The following CPXM2 variants were observed in gnomAD, a reference collection of about 807,000 sequenced individuals.
The protein encoded by CPXM2 is inactive carboxypeptidase-like protein X2.
CPXM2 carries 66 observed loss-of-function variants against 86.1 expected under a neutral mutation model. That is an observed-to-expected ratio of 0.77 (90% CI 0.63 to 0.94). CPXM2 has a LOEUF of 0.94. Ranked by LOEUF, CPXM2 falls within the 40% of genes least tolerant of loss-of-function variation. The pLI is 0.00. For synonymous variants in CPXM2, 388 were observed against 400.2 expected, an observed-to-expected ratio of 0.97 and a Z score of 0.36; for missense variants, 948 against 1,026.3, an observed-to-expected ratio of 0.92 and a Z score of 1.04.
At chr10:123,882,710 C>T (rs969936347) in intron 1 of CPXM2, among the ~76,000 whole-genome samples, 4 of 152,106 alleles carry the variant, frequency 2.6e-5, no homozygotes, top group Admixed American at 1.3e-4. Flanking sequence ...GCCAGGCGGT[C>T]CCCCAGCACT....
intron 2 of CPXM2, among the ~76,000 whole-genome samples, chr10:123,868,766 C>G (rs1203097898): frequency 2.0e-5 from 3 of 152,024 alleles, no homozygotes; most frequent in Non-Finnish European, 2.9e-5. Flanking sequence ...AACATAGACA[C>G]AAAGGCAAGC....
chr10:123,824,418 T>C (rs1848001732), intron 4 of CPXM2, among the ~76,000 whole-genome samples: 1 of 152,198 alleles, frequency 6.6e-6, no homozygotes, highest in Non-Finnish European at 1.5e-5. Flanking sequence ...CAACCATTCC[T>C]TCAACCTGGA....
chr10:123,908,737 A>T (rs1425556449), intron 2 of CPXM2, among the ~76,000 whole-genome samples: 1 of 152,182 alleles, frequency 6.6e-6, no homozygotes, highest in Admixed American at 6.5e-5. Context: ...AGTTCACTGC[A>T]GCTTTAAACA....
chr10:123,853,269 T>C (rs1200709881), intron 3 of CPXM2, among the ~76,000 whole-genome samples: 2 of 152,330 alleles, frequency 1.3e-5, no homozygotes, highest in East Asian at 3.9e-4. Context: ...TACAGAACCG[T>C]GAGCCAATGA....
Position 123,891,487 on chromosome 10 carries a change from GAGA to G in CPXM2, c.170_172del (p.Phe57del). 2.6e-6 allele frequency: 4 copies of G among 1,548,606 alleles called. No homozygotes were observed. The highest frequency in any genetic ancestry group is 2.6e-6 in the Non-Finnish European group (3 of 1,145,738). The stretch of plus-strand genomic sequence containing the variant: ...CCCGGGCCCCGCAGGCAGCGGCGGA[GAGA>G]AGGTCTCGAGCTCGGGCTCCGGGCG... On this transcript the variant is annotated inframe_deletion, in exon 1 of 14. Transcript: ENST00000241305. The surrounding 1 kb of genome is among the most constrained non-coding windows in gnomAD (Gnocchi z 5.6).
chr10:123,827,520 G>A (rs1848072972), intron 4 of CPXM2, among the ~76,000 whole-genome samples: 1 of 152,168 alleles, frequency 6.6e-6, no homozygotes, highest in South Asian at 2.1e-4. Context: ...CACAGAAAAC[G>A]GGACTCGCAT....
At chr10:123,904,294 G>A (rs780876112) in intron 2 of CPXM2, among the ~76,000 whole-genome samples, 8 of 152,036 alleles carry the variant, frequency 5.3e-5, no homozygotes, top group Non-Finnish European at 1.0e-4. Context: ...ACTTCTTTCC[G>A]ATTGTGCTGA....
chr10:123,784,201 T>A (rs896511623), intron 6 of CPXM2, among the ~76,000 whole-genome samples: 9 of 152,054 alleles, frequency 5.9e-5, no homozygotes, highest in African/African-American at 2.2e-4. Context: ...GAACACCAGG[T>A]GAGTGAAGGC....
intron 2 of CPXM2, among the ~76,000 whole-genome samples, chr10:123,877,411 G>A (rs1392274124): frequency 6.6e-6 from 1 of 152,192 alleles, no homozygotes; most frequent in African/African-American, 2.4e-5. Context: ...TTACTTTCAG[G>A]TGTCTGTAGA....
chr10:123,855,852 T>C (rs1027333963), intron 3 of CPXM2, among the ~76,000 whole-genome samples: 3 of 152,172 alleles, frequency 2.0e-5, no homozygotes, highest in Non-Finnish European at 4.4e-5. Flanking sequence ...CATGATTCCT[T>C]CCAGCAGTGC....
chr10:123,910,443 C>T (rs1436087941), intron 2 of CPXM2, among the ~76,000 whole-genome samples: 5 of 152,124 alleles, frequency 3.3e-5, no homozygotes, highest in African/African-American at 4.8e-5. Context: ...CAGAGATTCT[C>T]GGAACTGCAC....
At chr10:123,857,585 AGGC>A (rs1848756209) in intron 3 of CPXM2, among the ~76,000 whole-genome samples, 1 of 142,400 alleles carries the variant, frequency 7.0e-6, no homozygotes. Flanking sequence ...TGGAGATGGA[AGGC>A]GGCGTGGAGA....
intron 4 of CPXM2, among the ~76,000 whole-genome samples, chr10:123,805,273 A>T (rs764051264): frequency 1.1e-4 from 17 of 151,930 alleles, no homozygotes; most frequent in Non-Finnish European, 2.4e-4. Context: ...TTGATTTACG[A>T]TTCTTTTTAT....
intron 2 of CPXM2, among the ~76,000 whole-genome samples, chr10:123,878,906 G>A (rs1590093330): frequency 1.3e-5 from 2 of 152,008 alleles, no homozygotes; most frequent in Admixed American, 1.3e-4. Context: ...GTCCATTCAA[G>A]GTGAGGAGTC....
At chr10:123,913,129 G>A (rs761338123) in intron 2 of CPXM2, among the ~76,000 whole-genome samples, 37 of 152,172 alleles carry the variant, frequency 2.4e-4, no homozygotes, top group Non-Finnish European at 4.7e-4. Context: ...TTTGGCAGAG[G>A]CATTCTTGGA....
chr10:123,759,413 A>G (rs897997880), intron 11 of CPXM2, among the ~76,000 whole-genome samples: 1 of 152,200 alleles, frequency 6.6e-6, no homozygotes, highest in Non-Finnish European at 1.5e-5. Flanking sequence ...GTGTCTTCAG[A>G]GCATAGGAAG....
intron 4 of CPXM2, among the ~76,000 whole-genome samples, chr10:123,828,184 AAG>A (rs202125643): frequency 1.1e-4 from 17 of 151,138 alleles, no homozygotes; most frequent in African/African-American, 3.7e-4. Flanking sequence ...AAAAAGAAAA[AAG>A]AAAAAAAGTT....
intron 13 of CPXM2, chr10:123,752,550 A>C (rs1589959196): frequency 1.0e-6 from 1 of 985,070 alleles, no homozygotes; most frequent in African/African-American, 1.7e-5. Flanking sequence ...CCAGGTCTGA[A>C]CCCCAGCCTC....
intron 4 of CPXM2, among the ~76,000 whole-genome samples, chr10:123,823,051 T>G (rs1847963177): frequency 6.6e-6 from 1 of 152,170 alleles, no homozygotes; most frequent in South Asian, 2.1e-4. Context: ...TGTTAAAAAT[T>G]CTTGGGGAAA....
Sources: gnomAD v4.1 joint callset for allele counts (sites outside exome capture counted in the v4.1 genomes callset) on GRCh38, gnomAD v4.1.1 for gene constraint, Gnocchi (gnomAD v3.1) non-coding constraint, MANE v1.5 for transcripts, NCBI Gene and HGNC (gene_info 2026-07-23, HGNC 2026-07-21) for gene names.